Variants in SV2C observed in about 807,000 individuals in gnomAD.
SV2C encodes the protein synaptic vesicle glycoprotein 2C, also known as solute carrier family 22 member B3.
In SV2C, 49 loss-of-function variants were observed where a neutral mutation model predicts 79.7. The ratio of observed to expected loss-of-function variants is 0.61; its 90% CI spans 0.49 to 0.78. The LOEUF (loss-of-function observed/expected upper bound fraction) is 0.78, where lower values mean the gene tolerates loss of function less well. Ranked by LOEUF, SV2C falls within the 30% of genes least tolerant of loss-of-function variation. SV2C has a pLI of 0.00. For synonymous variants in SV2C, 334 were observed against 333.2 expected (o/e 1.00, Z -0.03); for missense variants, 833 against 912.9 (o/e 0.91, Z 1.13).
rs1361302076 is a variant in SV2C, at chr5:76,325,696, A to T, written c.*149A>T. The T allele has an allele frequency of 1.8e-6, 2 of 1,117,976 alleles. No individual in the cohort carries two copies. Among genetic ancestry groups the T allele is most frequent in the Non-Finnish European group, 2.5e-6 (2 of 808,408 alleles). The allele number at this position is 1,117,976 out of a possible 1,614,324, so 69.3% of individuals were successfully genotyped here. A position where few individuals can be genotyped will look rare whatever the true frequency, so the allele number is the denominator to read the frequency against. ...GCTGTGACTTAAAATTTAGAAGCAT[A>T]TCATCTTGCCCCTTTGTGATTTTGC... On this transcript the variant is annotated 3_prime_UTR_variant, in exon 13 of 13. Coordinates refer to ENST00000502798, the MANE Select transcript of SV2C (RefSeq NM_014979.4).
intron 4 of SV2C, among the ~76,000 whole-genome samples, chr5:76,230,952 GTTTA>G (rs2112398334): frequency 6.6e-6 from 1 of 152,296 alleles, no homozygotes; most frequent in South Asian, 2.1e-4. Flanking sequence ...ACTAGAAAAT[GTTTA>G]TTTAATTCTA....
the SV2C span, among the ~76,000 whole-genome samples, chr5:75,939,903 T>A: frequency 6.6e-6 from 1 of 152,178 alleles, no homozygotes; most frequent in Admixed American, 6.5e-5. Flanking sequence ...TTAGTTCAAG[T>A]CTGGCTCAGT....
At chr5:76,022,745 A>G in the SV2C span, among the ~76,000 whole-genome samples, 7 of 152,352 alleles carry the variant, frequency 4.6e-5, no homozygotes, top group South Asian at 1.5e-3. Flanking sequence ...ATATAAAATA[A>G]TGCATTAATT....
chr5:75,935,900 T>C, the SV2C span, among the ~76,000 whole-genome samples: 1 of 152,196 alleles, frequency 6.6e-6, no homozygotes, highest in Non-Finnish European at 1.5e-5. Context: ...TAAGTTACTG[T>C]TGTAATTTTA....
chr5:76,238,424 GGAGT>G (rs1745683851), intron 4 of SV2C, among the ~76,000 whole-genome samples: 1 of 152,056 alleles, frequency 6.6e-6, no homozygotes, highest in Non-Finnish European at 1.5e-5. Context: ...TTTTGGGATG[GGAGT>G]GATCCGCGTT....
chr5:76,347,421 T>C (rs1427231389), intron 12 of SV2C, among the ~76,000 whole-genome samples: 1 of 148,842 alleles, frequency 6.7e-6, no homozygotes, highest in Non-Finnish European at 1.5e-5. Context: ...TTCTTATTTC[T>C]TACCTATGCC....
chr5:76,338,090 T>C (rs1018537531), downstream of SV2C, among the ~76,000 whole-genome samples: 1 of 152,192 alleles, frequency 6.6e-6, no homozygotes, highest in African/African-American at 2.4e-5. Flanking sequence ...CATCATCCTC[T>C]CCTGTAATTT....
chr5:76,277,725 G>A (rs35764719), intron 4 of SV2C, among the ~76,000 whole-genome samples: 2 of 151,158 alleles, frequency 1.3e-5, no homozygotes, highest in African/African-American at 2.4e-5. Flanking sequence ...GCCACTGCAC[G>A]CCAGCCTGGG....
chr5:76,087,943 A>G (rs1178631274), intron 1 of SV2C, among the ~76,000 whole-genome samples: 3 of 152,248 alleles, frequency 2.0e-5, no homozygotes, highest in African/African-American at 7.2e-5. Context: ...AGGGAAGGGC[A>G]TTGGCAGAAG....
chr5:76,232,781 C>G (rs1745467548), intron 4 of SV2C, among the ~76,000 whole-genome samples: 1 of 143,156 alleles, frequency 7.0e-6, no homozygotes, highest in Admixed American at 6.7e-5. Flanking sequence ...GGGCTCTGTT[C>G]TGTTCCATTG....
chr5:76,324,803 T>G (rs1580074472), intron 12 of SV2C, among the ~76,000 whole-genome samples: 1 of 151,898 alleles, frequency 6.6e-6, no homozygotes, highest in African/African-American at 2.4e-5. Context: ...CTGCAGTGAG[T>G]TATCATTGTA....
At chr5:76,122,280 T>C (rs979908732) in intron 1 of SV2C, among the ~76,000 whole-genome samples, 7 of 151,536 alleles carry the variant, frequency 4.6e-5, no homozygotes, top group African/African-American at 1.5e-4. Flanking sequence ...GCTGAGACAA[T>C]GGGGTTTTCT....
chr5:76,280,730 G>A (rs957273409), intron 4 of SV2C, among the ~76,000 whole-genome samples: 1 of 152,192 alleles, frequency 6.6e-6, no homozygotes, highest in Admixed American at 6.5e-5. Context: ...CTCCAGGTGC[G>A]GGACCTGCCC....
At chr5:76,340,942 T>TA (rs1240312686) in intron 12 of SV2C, among the ~76,000 whole-genome samples, 9 of 149,374 alleles carry the variant, frequency 6.0e-5, no homozygotes, top group African/African-American at 2.2e-4. Context: ...TTTTTTTTTT[T>TA]TTTCCGAGAT....
intron 2 of SV2C, among the ~76,000 whole-genome samples, chr5:76,168,423 G>A (rs1468505724): frequency 1.3e-5 from 2 of 151,816 alleles, no homozygotes; most frequent in African/African-American, 4.8e-5. Flanking sequence ...GATCCAGTCA[G>A]ATAATAATAT....
In SV2C at chr5:76,295,955, G is replaced by A. The variant is rs748040063; in HGVS notation, c.1502+13G>A. Reference sequence around the variant, plus strand: ...ACGACAATGGCAGGTCTAGAAACTTGAAATAATTTAATTTGCTACCTATTC... The same window carrying A: ...ACGACAATGGCAGGTCTAGAAACTTAAAATAATTTAATTTGCTACCTATTC... On this transcript the variant is annotated intron_variant, in intron 9 of 12. Transcript: ENST00000502798. 22 of 1,550,312 alleles carry A rather than the reference G, an allele frequency of 1.4e-5. No homozygotes were observed. The East Asian group carries it at 1.8e-4, about 13-fold the overall frequency.
chr5:76,318,189 G>A (rs1210569411), intron 12 of SV2C, among the ~76,000 whole-genome samples: 1 of 152,208 alleles, frequency 6.6e-6, no homozygotes, highest in African/African-American at 2.4e-5. Context: ...GGAGGCCGAG[G>A]CGGGCAGATC....
intron 1 of SV2C, among the ~76,000 whole-genome samples, chr5:76,119,731 A>G (rs1240193017): frequency 6.6e-6 from 1 of 152,236 alleles, no homozygotes; most frequent in East Asian, 1.9e-4. Context: ...ACAAAAAACA[A>G]AACAAAACAA....
intron 4 of SV2C, among the ~76,000 whole-genome samples, chr5:76,278,484 G>A (rs1375601199): frequency 6.6e-6 from 1 of 152,112 alleles, no homozygotes; most frequent in African/African-American, 2.4e-5. Context: ...TCCAGACCAG[G>A]AAAACATCAC....
Sources: allele counts gnomAD v4.1 joint callset (sites outside exome capture counted in the v4.1 genomes callset), GRCh38; gene constraint gnomAD v4.1.1; transcripts MANE v1.5; gene names NCBI Gene and HGNC (gene_info 2026-07-23, HGNC 2026-07-21).